The following TMC1 variants were observed in gnomAD, a reference collection of about 807,000 sequenced individuals.
The protein encoded by TMC1 is transmembrane channel-like protein 1.
TMC1 carries 84 observed loss-of-function variants against 105.8 expected under a neutral mutation model. That is an observed-to-expected ratio of 0.79 (90% CI 0.67 to 0.95). The LOEUF (loss-of-function observed/expected upper bound fraction) is 0.95, where lower values mean the gene tolerates loss of function less well. Among genes scored for constraint, TMC1 ranks in the 40% least tolerant of loss-of-function variants. TMC1 has a pLI of 0.00. For synonymous variants in TMC1, 315 were observed against 311.5 expected (o/e 1.01, Z -0.12); for missense variants, 817 against 914.1 (o/e 0.89, Z 1.37).
At chr9:72,762,369 G>C (rs1157663488) in intron 12 of TMC1, among the ~76,000 whole-genome samples, 2 of 152,186 alleles carry the variant, frequency 1.3e-5, no homozygotes, top group African/African-American at 4.8e-5. Flanking sequence ...TCAAAGGAGA[G>C]CTGAGCAGCA....
chr9:72,794,616 G>A (rs558851007), intron 17 of TMC1, among the ~76,000 whole-genome samples: 3 of 152,260 alleles, frequency 2.0e-5, no homozygotes, highest in South Asian at 2.1e-4. Context: ...CAGGAAAGAT[G>A]CCTATTGACT....
intron 11 of TMC1, among the ~76,000 whole-genome samples, chr9:72,752,173 T>C (rs577361343): frequency 4.6e-5 from 7 of 152,256 alleles, no homozygotes; most frequent in Non-Finnish European, 8.8e-5. Flanking sequence ...ATATAACTTA[T>C]GTATAATTTC....
At chr9:72,773,586 TAA>T (rs777517394) in intron 13 of TMC1, among the ~76,000 whole-genome samples, 4 of 152,284 alleles carry the variant, frequency 2.6e-5, no homozygotes, top group Non-Finnish European at 5.9e-5. Flanking sequence ...ACCTCAAATA[TAA>T]GAGACTGTCC....
chr9:72,644,978 G>T (rs1825686515), intron 4 of TMC1, among the ~76,000 whole-genome samples: 1 of 151,858 alleles, frequency 6.6e-6, no homozygotes, highest in Non-Finnish European at 1.5e-5. Flanking sequence ...GTGAAGCGTG[G>T]GTGAAAAAAG....
intron 13 of TMC1, among the ~76,000 whole-genome samples, chr9:72,777,029 T>A (rs986014347): frequency 3.3e-5 from 5 of 152,170 alleles, no homozygotes; most frequent in Non-Finnish European, 7.4e-5. Context: ...ATTAAACTTA[T>A]CAAAACCAAG....
chr9:72,650,792 T>G (rs907838521), intron 5 of TMC1, among the ~76,000 whole-genome samples: 3 of 150,362 alleles, frequency 2.0e-5, no homozygotes, highest in African/African-American at 7.3e-5. Flanking sequence ...AAGGATAATG[T>G]CTTCCAGCTC....
At chr9:72,585,265 C>T (rs1055058700) in intron 2 of TMC1, among the ~76,000 whole-genome samples, 3 of 151,450 alleles carry the variant, frequency 2.0e-5, no homozygotes, top group South Asian at 2.1e-4. Flanking sequence ...ATTCTCCGGC[C>T]GCAGCCTCCT....
At chr9:72,744,399 C>A (rs1165938013) in intron 10 of TMC1, among the ~76,000 whole-genome samples, 1 of 151,902 alleles carries the variant, frequency 6.6e-6, no homozygotes, top group Non-Finnish European at 1.5e-5. Context: ...AAATGTCTAC[C>A]AATCTAGGAA....
intron 2 of TMC1, among the ~76,000 whole-genome samples, chr9:72,592,332 T>C (rs1162902889): frequency 6.6e-6 from 1 of 152,196 alleles, no homozygotes; most frequent in Non-Finnish European, 1.5e-5. Context: ...GGGAAGATCA[T>C]TACAGATATA....
intron 1 of TMC1, among the ~76,000 whole-genome samples, chr9:72,524,986 G>A (rs1350657330): frequency 1.3e-5 from 2 of 152,202 alleles, no homozygotes; most frequent in African/African-American, 4.8e-5. Context: ...CCCAAGCCTG[G>A]ATTGTGGAGG....
At chr9:72,791,769 T>A (rs911481270) in intron 15 of TMC1, 117 bp from the exon 16 acceptor site, 1 of 853,716 alleles carries the variant, frequency 1.2e-6, no homozygotes, top group African/African-American at 1.7e-5. Context: ...AAAATAGTCA[T>A]TTTTAGTCTT....
At chr9:72,737,323 C>G (rs1470867793) in intron 8 of TMC1, among the ~76,000 whole-genome samples, 1 of 152,156 alleles carries the variant, frequency 6.6e-6, no homozygotes. Flanking sequence ...CCGGCATTGC[C>G]GTAGAATTGA....
intron 12 of TMC1, among the ~76,000 whole-genome samples, chr9:72,756,558 A>C (rs897917461): frequency 6.6e-6 from 1 of 152,068 alleles, no homozygotes; most frequent in Non-Finnish European, 1.5e-5. Flanking sequence ...ATAATGCATT[A>C]CTATGTCCCT....
intron 12 of TMC1, among the ~76,000 whole-genome samples, chr9:72,769,360 C>G (rs1827888860): frequency 6.6e-6 from 1 of 152,198 alleles, no homozygotes. Context: ...AACATGCCGC[C>G]TTTATTATTG....
Position 72,816,158 on chromosome 9 carries a change from T to C in TMC1, c.1711T>C (p.Phe571Leu), listed in dbSNP as rs1297602315. ...LEYGYPSYTE[F>L]DISGNVLALI... ...TCTCCTCTAGCCTTCATACACCGAA[T>C]TCGACATCAGTGGCAACGTCCTCGC... The change falls in exon 19 of 24, where the codon TTC becomes CTC. Residue 571 changes from phenylalanine to leucine, a missense_variant. Coordinates refer to ENST00000297784, the MANE Select transcript of TMC1 (RefSeq NM_138691.3). 1 of 1,613,406 alleles carries C rather than the reference T, an allele frequency of 6.2e-7. No homozygotes were observed. The highest frequency in any genetic ancestry group is 8.5e-7 in the Non-Finnish European group (1 of 1,179,530).
intron 5 of TMC1, among the ~76,000 whole-genome samples, chr9:72,665,696 A>G (rs1337621797): frequency 6.6e-6 from 1 of 152,212 alleles, no homozygotes; most frequent in Non-Finnish European, 1.5e-5. Context: ...TGGCATCACG[A>G]TACCTTAGTT....
chr9:72,554,248 G>A (rs1003843162), intron 1 of TMC1, among the ~76,000 whole-genome samples: 44 of 152,190 alleles, frequency 2.9e-4, no homozygotes, highest in African/African-American at 1.0e-3. Context: ...CTTTCCCACT[G>A]AAATACTTTT....
chr9:72,716,152 T>C (rs2793161), intron 8 of TMC1, among the ~76,000 whole-genome samples: 34,686 of 152,142 alleles, frequency 0.23, 4,286 homozygotes, highest in East Asian at 0.38. Context: ...CAGAGGGACA[T>C]CCACCAGATA....
chr9:72,576,132 A>G (rs1021035051), intron 1 of TMC1, among the ~76,000 whole-genome samples: 1 of 152,218 alleles, frequency 6.6e-6, no homozygotes, highest in African/African-American at 2.4e-5. Flanking sequence ...AAGATGTCAA[A>G]CTAAGCTGTA....
Sources: gnomAD v4.1 joint callset for allele counts (sites outside exome capture counted in the v4.1 genomes callset) on GRCh38, gnomAD v4.1.1 for gene constraint, MANE v1.5 for transcripts, NCBI Gene and HGNC (gene_info 2026-07-23, HGNC 2026-07-21) for gene names.